SH3PXD2A: variants seen among roughly 807,000 people sequenced by gnomAD.
SH3PXD2A encodes SH3 and PX domain-containing protein 2A.
In SH3PXD2A, 32 loss-of-function variants were observed where a neutral mutation model predicts 115.2. The observed-to-expected ratio is 0.28, with a 90% CI of 0.21 to 0.37. The LOEUF (loss-of-function observed/expected upper bound fraction) is 0.37, where lower values mean the gene tolerates loss of function less well. SH3PXD2A is among the 10% of genes least tolerant of loss of function. The pLI, the probability that SH3PXD2A is intolerant of heterozygous loss-of-function variation, is 1.00. For missense variants in SH3PXD2A, 1,328 were observed against 1,498.7 expected (o/e 0.89, Z 1.88); for synonymous variants, 610 against 629.1 (o/e 0.97, Z 0.45).
At chr10:103,713,458 C>G (rs1240319112) in intron 5 of SH3PXD2A, among the ~76,000 whole-genome samples, 3 of 152,232 alleles carry the variant, frequency 2.0e-5, no homozygotes, top group African/African-American at 7.2e-5. Context: ...TCAGGCCTAT[C>G]TCTTCTTGGC....
At chr10:103,835,759 G>C (rs2039533111) in intron 1 of SH3PXD2A, among the ~76,000 whole-genome samples, 1 of 152,124 alleles carries the variant, frequency 6.6e-6, no homozygotes, top group Non-Finnish European at 1.5e-5. Context: ...CCCTGAAGCA[G>C]GTCCTCACAG....
intron 8 of SH3PXD2A, among the ~76,000 whole-genome samples, chr10:103,659,010 A>C (rs909082178): frequency 2.0e-5 from 3 of 152,230 alleles, no homozygotes; most frequent in Non-Finnish European, 4.4e-5. Flanking sequence ...TGCTCTGGCC[A>C]CGGGTGGCCG....
intron 14 of SH3PXD2A, 60 bp from the exon 15 acceptor site, chr10:103,603,849 C>T (rs1006674520): frequency 3.4e-6 from 5 of 1,490,570 alleles, no homozygotes; most frequent in Admixed American, 2.3e-5. Context: ...TATGACATCC[C>T]AAGGTAGGAG....
intron 3 of SH3PXD2A, among the ~76,000 whole-genome samples, chr10:103,741,129 T>C (rs573967024): frequency 6.6e-6 from 1 of 152,178 alleles, no homozygotes; most frequent in Non-Finnish European, 1.5e-5. Context: ...TTCTCTGGGC[T>C]TCAGTGGAGC....
At chr10:103,776,157 C>T (rs142512055) in intron 2 of SH3PXD2A, among the ~76,000 whole-genome samples, 2 of 152,152 alleles carry the variant, frequency 1.3e-5, no homozygotes, top group Non-Finnish European at 2.9e-5. Flanking sequence ...GAGGCCAAGG[C>T]AGGAGGATTG....
chr10:103,811,521 C>A (rs2039270925), intron 1 of SH3PXD2A, among the ~76,000 whole-genome samples: 1 of 152,206 alleles, frequency 6.6e-6, no homozygotes, highest in Admixed American at 6.5e-5. Flanking sequence ...AACTGGTCTA[C>A]CCGAGGTCAT....
intron 2 of SH3PXD2A, 148 bp from the exon 3 acceptor site, chr10:103,767,317 C>A: frequency 1.5e-6 from 1 of 649,850 alleles, no homozygotes; most frequent in Non-Finnish European, 2.8e-6. Context: ...AGATGATTAA[C>A]AAACCACATG....
chr10:103,725,664 G>A (rs2038232112), intron 4 of SH3PXD2A, among the ~76,000 whole-genome samples: 1 of 151,704 alleles, frequency 6.6e-6, no homozygotes, highest in East Asian at 1.9e-4. Context: ...CCGTCTCTAC[G>A]AAAAATACAA....
At chr10:103,624,146 A>G (rs1392296390) in intron 9 of SH3PXD2A, among the ~76,000 whole-genome samples, 2 of 152,158 alleles carry the variant, frequency 1.3e-5, no homozygotes, top group African/African-American at 4.8e-5. Context: ...ACCCCGAGCT[A>G]TTGCTGTTCC....
chr10:103,688,622 C>T (rs543619364), intron 6 of SH3PXD2A, among the ~76,000 whole-genome samples: 3 of 152,212 alleles, frequency 2.0e-5, no homozygotes, highest in South Asian at 2.1e-4. Context: ...ACAAAGGCCA[C>T]GTAGAAGAAT....
intron 6 of SH3PXD2A, among the ~76,000 whole-genome samples, chr10:103,684,504 G>A (rs1486205868): frequency 6.6e-6 from 1 of 151,922 alleles, no homozygotes; most frequent in African/African-American, 2.4e-5. Context: ...GATTACAGGT[G>A]CGGGCCACCA....
At chr10:103,608,203 GAGAAC>G (rs1195303439) in intron 13 of SH3PXD2A, among the ~76,000 whole-genome samples, 1 of 145,476 alleles carries the variant, frequency 6.9e-6, no homozygotes, top group Non-Finnish European at 1.5e-5. Context: ...CACCAGCAGG[GAGAAC>G]ACCACGTGAA....
chr10:103,717,399 A>G (rs527784742), intron 5 of SH3PXD2A, among the ~76,000 whole-genome samples: 3 of 152,250 alleles, frequency 2.0e-5, no homozygotes, highest in African/African-American at 7.2e-5. Flanking sequence ...TTTCTGGAGG[A>G]GGGGCCCAAG....
At chr10:103,609,979 T>G (rs1045259270) in intron 13 of SH3PXD2A, 5 of 152,260 alleles carry the variant, frequency 3.3e-5, no homozygotes, top group Non-Finnish European at 7.3e-5. Context: ...AGAGGATCCC[T>G]GAGATAACAT....
rs1361054713 is a variant in SH3PXD2A at position 103,595,276 on chromosome 10, G to T, written c.*6540C>A. On this transcript the variant is annotated 3_prime_UTR_variant, in exon 15 of 15. Coordinates refer to ENST00000369774, the MANE Select transcript of SH3PXD2A (RefSeq NM_001394015.1). ...TCCAACCTGCTATGGCTGGACCCTT[G>T]GGTGTTAAATCACTAAATTCCCTTT... The T allele has an allele frequency of 6.6e-6, 1 of 152,140 alleles. No homozygotes were observed. The highest frequency in any genetic ancestry group is 6.5e-5 in the Admixed American group (1 of 15,274). 9.4% of individuals were successfully genotyped at this position (152,140 alleles called of 1,614,324 possible).
chr10:103,733,506 C>A (rs1342112795), intron 4 of SH3PXD2A, among the ~76,000 whole-genome samples: 1 of 152,214 alleles, frequency 6.6e-6, no homozygotes, highest in East Asian at 1.9e-4. Flanking sequence ...AGGCTACAGC[C>A]ATCAATTTAA....
rs531764523 is a variant in SH3PXD2A, at chr10:103,625,344, G to A, written c.718+1745C>T. Among the ~76,000 whole-genome samples the A allele has an allele frequency of 5.3e-5, 8 of 152,364 alleles. No homozygotes were observed. The East Asian group carries it at 1.3e-3, about 26-fold the overall frequency. ...TACACGCACTGCCCTAGAGCTGCCT[G>A]TACTGCTTACGAGCAAAATGCTTCA... On this transcript the variant is annotated intron_variant, in intron 9 of 14. Transcript: ENST00000369774.
In SH3PXD2A at chr10:103,595,053, C is replaced by T. The variant is rs1369753464; in HGVS notation, c.*6763G>A. ...GACAGTCAAAGGGAAGTGGGCAAAA[C>T]CAGCTGAGAACCCGGGAGCTGGATG... On this transcript the variant is annotated 3_prime_UTR_variant, in exon 15 of 15. Transcript: ENST00000369774. 1 of 152,196 alleles carries T rather than the reference C, an allele frequency of 6.6e-6. No homozygotes were observed. Among genetic ancestry groups the T allele is most frequent in the African/African-American group, 2.4e-5 (1 of 41,436 alleles). The allele number at this position is 152,196 out of a possible 1,614,324, so 9.4% of individuals were successfully genotyped here. A position where few individuals can be genotyped will look rare whatever the true frequency, so the allele number is the denominator to read the frequency against.
chr10:103,841,239 C>T (rs1054503568), intron 1 of SH3PXD2A, among the ~76,000 whole-genome samples: 6 of 152,078 alleles, frequency 3.9e-5, no homozygotes, highest in Admixed American at 1.3e-4. Flanking sequence ...GAGGAGGGGG[C>T]GTTAAAGATG....
Sources: allele counts gnomAD v4.1 joint callset (sites outside exome capture counted in the v4.1 genomes callset), GRCh38; gene constraint gnomAD v4.1.1; transcripts MANE v1.5; gene names NCBI Gene and HGNC (gene_info 2026-07-23, HGNC 2026-07-21).